Variants in PCDH15 observed in about 807,000 individuals in gnomAD.
The protein encoded by PCDH15 is protocadherin-15.
Under a neutral mutation model 178.5 loss-of-function variants are expected in PCDH15, and 129 were observed. The ratio of observed to expected loss-of-function variants is 0.72; its 90% CI spans 0.63 to 0.84. The LOEUF (loss-of-function observed/expected upper bound fraction) is 0.84. Ranked by LOEUF, PCDH15 falls within the 40% of genes least tolerant of loss-of-function variation. PCDH15 has a pLI of 0.00. For missense variants in PCDH15, 2,230 were observed against 2,099.9 expected (o/e 1.06, Z -1.21); for synonymous variants, 800 against 732.0 (o/e 1.09, Z -1.50).
rs562183758 is a variant in PCDH15, at chr10:54,944,261, C to G, written c.-79-46761G>C. Among the ~76,000 whole-genome samples the G allele has an allele frequency of 3.9e-5, 6 of 152,030 alleles. No homozygotes were observed. In the East Asian group the frequency reaches 9.7e-4, roughly 24 times the overall value. ...GGTTTGACAAAATGTAGCTCTATTT[C>G]CCCACAGCCTGCATCTGACATTGAC... On this transcript the variant is annotated intron_variant, in intron 2 of 5. Transcript: ENST00000458638.
intron 3 of PCDH15, among the ~76,000 whole-genome samples, chr10:54,855,411 C>T (rs988550297): frequency 3.3e-5 from 5 of 152,166 alleles, no homozygotes; most frequent in Non-Finnish European, 7.3e-5. Context: ...CATCCCAACT[C>T]AGAAGAGATG....
intron 2 of PCDH15, among the ~76,000 whole-genome samples, chr10:54,957,645 C>T (rs2131880710): frequency 6.6e-6 from 1 of 151,478 alleles, no homozygotes; most frequent in East Asian, 1.9e-4. Context: ...TGGTAGATCT[C>T]TCCATAGCAG....
rs562731025 is a variant in PCDH15, at chr10:54,462,512, C to CTT, written c.157+65298_157+65299dup. On this transcript the variant is annotated intron_variant, in intron 3 of 37. Coordinates refer to ENST00000644397, the MANE Select transcript of PCDH15 (RefSeq NM_001384140.1). ...TTTCTTTTCTTTTTCTTTTTCTTTTCTTTTTTTTTTTTTTTTTTTTGAGAT... is the reference window on the plus strand; with the variant it reads ...TTTCTTTTCTTTTTCTTTTTCTTTTCTTTTTTTTTTTTTTTTTTTTTTGAGAT... Among the ~76,000 whole-genome samples the CTT allele has an allele frequency of 5.0e-3, 333 of 66,870 alleles. 17 individuals carry two copies. The highest frequency in any genetic ancestry group is 0.021 in the African/African-American group (284 of 13,552). 43.9% of individuals were successfully genotyped at this position (66,870 alleles called of 152,430 possible).
intron 2 of PCDH15, among the ~76,000 whole-genome samples, chr10:55,521,007 T>TA (rs755236603): frequency 6.6e-6 from 1 of 151,950 alleles, no homozygotes; most frequent in Non-Finnish European, 1.5e-5. Flanking sequence ...AATACAATAT[T>TA]ACTAGCTACA....
chr10:54,595,508 T>G (rs909803347), intron 2 of PCDH15, among the ~76,000 whole-genome samples: 1 of 152,156 alleles, frequency 6.6e-6, no homozygotes, highest in Non-Finnish European at 1.5e-5. Context: ...AAAGAACCAG[T>G]GCAGGAACTC....
chr10:53,807,384 G>C (rs1841260047), intron 37 of PCDH15, among the ~76,000 whole-genome samples: 1 of 152,054 alleles, frequency 6.6e-6, no homozygotes, highest in Non-Finnish European at 1.5e-5. Flanking sequence ...GGAAACACAT[G>C]TATTCTTTTA....
chr10:54,357,857 C>T (rs1330275338), intron 5 of PCDH15, among the ~76,000 whole-genome samples: 1 of 151,998 alleles, frequency 6.6e-6, no homozygotes, highest in Non-Finnish European at 1.5e-5. Flanking sequence ...AGAAATAACA[C>T]CACATATCTA....
intron 8 of PCDH15, among the ~76,000 whole-genome samples, chr10:54,252,395 T>A (rs7087057): frequency 0.72 from 109,201 of 152,040 alleles, 40,173 homozygotes; most frequent in Middle Eastern, 0.77. Context: ...GAGGTGTTAG[T>A]TAAAACTATG....
chr10:54,061,321 C>T (rs1287613113), intron 18 of PCDH15, among the ~76,000 whole-genome samples: 1 of 152,142 alleles, frequency 6.6e-6, no homozygotes, highest in Non-Finnish European at 1.5e-5. Flanking sequence ...CTCAAGGATA[C>T]TAGGCAAAAT....
At chr10:53,814,454 A>G (rs922689159) in intron 35 of PCDH15, among the ~76,000 whole-genome samples, 2 of 152,170 alleles carry the variant, frequency 1.3e-5, no homozygotes, top group Non-Finnish European at 2.9e-5. Context: ...TGCATATGGC[A>G]TCAATTGCAT....
chr10:55,386,370 G>A (rs911272686), intron 2 of PCDH15, among the ~76,000 whole-genome samples: 3 of 151,866 alleles, frequency 2.0e-5, no homozygotes, highest in African/African-American at 7.3e-5. Context: ...AATATTTGAG[G>A]AGTTATTAAA....
intron 3 of PCDH15, among the ~76,000 whole-genome samples, chr10:54,389,269 T>C (rs1950257912): frequency 1.3e-5 from 2 of 152,196 alleles, no homozygotes; most frequent in African/African-American, 4.8e-5. Context: ...TAGAAGTGTA[T>C]AGATAAAGGC....
chr10:54,938,122 C>T (rs1486308465), intron 2 of PCDH15, among the ~76,000 whole-genome samples: 1 of 151,958 alleles, frequency 6.6e-6, no homozygotes, highest in African/African-American at 2.4e-5. Context: ...GTTCTTTATT[C>T]AGTTGTTAAA....
At chr10:55,271,420 T>C (rs779774797) in intron 1 of PCDH15, among the ~76,000 whole-genome samples, 12 of 152,066 alleles carry the variant, frequency 7.9e-5, no homozygotes, top group Non-Finnish European at 1.6e-4. Context: ...TAGTTTTACA[T>C]CTTCTCTAAT....
At chr10:55,423,595 G>A (rs989302120) in intron 2 of PCDH15, among the ~76,000 whole-genome samples, 1 of 151,960 alleles carries the variant, frequency 6.6e-6, no homozygotes, top group Non-Finnish European at 1.5e-5. Context: ...TTTAGAGCAA[G>A]GAATACTAAC....
intron 2 of PCDH15, among the ~76,000 whole-genome samples, chr10:55,001,833 A>G (rs114499389): frequency 0.013 from 1,970 of 152,126 alleles, 42 homozygotes; most frequent in African/African-American, 0.044. Context: ...TGGAAAAGCA[A>G]CCCCCTAAGG....
intron 9 of PCDH15, among the ~76,000 whole-genome samples, chr10:54,234,964 C>CT (rs2054474749): frequency 6.6e-6 from 1 of 152,132 alleles, no homozygotes; most frequent in Admixed American, 6.5e-5. Flanking sequence ...CACCTTTCTA[C>CT]TTTTACCTCA....
intron 3 of PCDH15, among the ~76,000 whole-genome samples, chr10:54,815,910 C>T (rs149767915): frequency 0.011 from 1,721 of 152,134 alleles, 37 homozygotes; most frequent in African/African-American, 0.04. Context: ...TGGAAAAATA[C>T]ACTCTATAAT....
intron 4 of PCDH15, among the ~76,000 whole-genome samples, chr10:54,378,360 T>C (rs1218464851): frequency 6.6e-6 from 1 of 152,160 alleles, no homozygotes; most frequent in Admixed American, 6.6e-5. Context: ...AGTTTTGCCC[T>C]TCAACCAATG....
Sources: gnomAD v4.1 joint callset for allele counts (sites outside exome capture counted in the v4.1 genomes callset) on GRCh38, gnomAD v4.1.1 for gene constraint, MANE v1.5 for transcripts, NCBI Gene and HGNC (gene_info 2026-07-23, HGNC 2026-07-21) for gene names.